Variants in OSBPL3 observed in about 807,000 individuals in gnomAD.
The protein encoded by OSBPL3 is oxysterol binding protein like 3.
OSBPL3 carries 65 observed loss-of-function variants against 120.1 expected under a neutral mutation model. The observed-to-expected ratio is 0.54, with a 90% CI of 0.44 to 0.67. The LOEUF is 0.67. Ranked by LOEUF, OSBPL3 falls within the 30% of genes least tolerant of loss-of-function variation. OSBPL3 has a pLI of 0.00. For synonymous variants in OSBPL3, 416 were observed against 402.6 expected, an observed-to-expected ratio of 1.03 and a Z score of -0.40; for missense variants, 1,004 against 1,082.1, an observed-to-expected ratio of 0.93 and a Z score of 1.01.
At chr7:24,928,987 T>C (rs1415364544) in intron 1 of OSBPL3, among the ~76,000 whole-genome samples, 1 of 152,220 alleles carries the variant, frequency 6.6e-6, no homozygotes, top group East Asian at 1.9e-4. Flanking sequence ...ATTACAGGCC[T>C]TTCTCTTGGG....
At chr7:24,924,554 T>C (rs1810805756) in intron 1 of OSBPL3, among the ~76,000 whole-genome samples, 1 of 152,214 alleles carries the variant, frequency 6.6e-6, no homozygotes, top group African/African-American at 2.4e-5. Flanking sequence ...CTTCCCGGTA[T>C]TGCTATGGTG....
intron 20 of OSBPL3, 58 bp downstream of exon 20, chr7:24,809,749 T>C: frequency 6.4e-7 from 1 of 1,553,828 alleles, no homozygotes; most frequent in South Asian, 1.1e-5. Flanking sequence ...TGGCTTCTTG[T>C]GTCATGCCCA....
rs760050205 is a variant in OSBPL3 at position 24,834,423 on chromosome 7, G to A, written c.1746+63C>T. 56 of 1,558,416 alleles carry A rather than the reference G, an allele frequency of 3.6e-5. No individual in the cohort carries two copies. Among genetic ancestry groups the A allele is most frequent in the African/African-American group, 5.5e-5 (4 of 73,222 alleles). ...AGGGGCTGTCTCTCTGATGGGCCCC[G>A]TGAATGGCCTCGTGGCTTGGGGACC... On this transcript the variant is annotated intron_variant, in intron 15 of 22. Transcript: ENST00000313367. This position sits in a 1 kb window ranked among gnomAD's most constrained non-coding sequence, Gnocchi z 5.2.
At chr7:24,927,681 G>A (rs1411886093) in intron 1 of OSBPL3, among the ~76,000 whole-genome samples, 4 of 152,052 alleles carry the variant, frequency 2.6e-5, no homozygotes, top group Non-Finnish European at 4.4e-5. Context: ...TGAGACAAGT[G>A]GTAAGGGCAT....
intron 22 of OSBPL3, among the ~76,000 whole-genome samples, chr7:24,800,748 C>T (rs888307159): frequency 1.3e-5 from 2 of 151,956 alleles, no homozygotes; most frequent in African/African-American, 4.8e-5. Flanking sequence ...TGAGCCACCA[C>T]GCTGGCCCAT....
intron 1 of OSBPL3, among the ~76,000 whole-genome samples, chr7:24,944,076 TAA>T (rs70942898): frequency 0.16 from 19,362 of 118,584 alleles, 1,596 homozygotes; most frequent in Admixed American, 0.27. Context: ...CAGTCTAAAG[TAA>T]AAAAAAAAAA....
chr7:24,866,266 A>T, intron 5 of OSBPL3, 29 bp from the exon 6 acceptor site: 1 of 1,512,950 alleles, frequency 6.6e-7, no homozygotes, highest in Non-Finnish European at 9.2e-7. Flanking sequence ...AAAAAAGGAA[A>T]CAAGAGAATC....
intron 12 of OSBPL3, among the ~76,000 whole-genome samples, chr7:24,848,810 G>A (rs1301911555): frequency 6.6e-6 from 1 of 152,038 alleles, no homozygotes; most frequent in East Asian, 1.9e-4. Context: ...ACATTTAGGA[G>A]CGAAACAGAA....
At position 24,883,061 on chromosome 7, in the gene OSBPL3, CT is replaced by C. The variant is rs566098265; in HGVS notation, c.96+9315del. Among the ~76,000 whole-genome samples the C allele has an allele frequency of 2.0e-5, 3 of 152,072 alleles. No homozygotes were observed. Among genetic ancestry groups the C allele is most frequent in the Non-Finnish European group, 4.4e-5 (3 of 68,000 alleles). On this transcript the variant is annotated intron_variant, in intron 2 of 22. Coordinates refer to ENST00000313367, the MANE Select transcript of OSBPL3 (RefSeq NM_015550.4). This position sits in a 1 kb window ranked among gnomAD's most constrained non-coding sequence, Gnocchi z 5.4. ...CTGTTTTCCTTTTGCTGTGCAGAAA[CT>C]TTTTAGTTTAATTAAGTAGGAAGTG...
rs1801165337 is a variant in OSBPL3, at chr7:24,865,409, A to G, written c.606T>C (p.Ser202=). 1 of 1,613,506 alleles carries G rather than the reference A, an allele frequency of 6.2e-7. No individual in the cohort carries two copies. The highest frequency in any genetic ancestry group is 2.2e-5 in the East Asian group (1 of 44,878). Residue 202 remains serine (S), a synonymous_variant, in exon 7 of 23, where the codon TCT becomes TCC. Coordinates refer to ENST00000313367, the MANE Select transcript of OSBPL3 (RefSeq NM_015550.4). ...ATGGAACTCGTGTCTCACCACCACA[A>G]GAAAATGATACATTGCTTCCAGTTT... is the stretch of plus-strand genomic sequence containing the variant. ...LFQTGSNVSF[S]CGGETRVPLW...
In OSBPL3 at chr7:24,808,106, G is replaced by C. The variant is rs1042531157; in HGVS notation, c.2318-1204C>G. On this transcript the variant is annotated intron_variant, in intron 20 of 22. Coordinates refer to ENST00000313367, the MANE Select transcript of OSBPL3 (RefSeq NM_015550.4). This position sits in a 1 kb window ranked among gnomAD's most constrained non-coding sequence, Gnocchi z 4.6. ...AGTAGAGATGAGATTTTGCCATGTTGTCCAGAGCAGTCTTGAACTCCTGGC... is the reference window on the plus strand; with the variant it reads ...AGTAGAGATGAGATTTTGCCATGTTCTCCAGAGCAGTCTTGAACTCCTGGC... Among the ~76,000 whole-genome samples the C allele has an allele frequency of 1.3e-5, 2 of 152,104 alleles. No homozygotes were observed. The highest frequency in any genetic ancestry group is 2.9e-5 in the Non-Finnish European group (2 of 68,020).
intron 1 of OSBPL3, among the ~76,000 whole-genome samples, chr7:24,950,109 T>C (rs1814212802): frequency 6.6e-6 from 1 of 152,232 alleles, no homozygotes; most frequent in South Asian, 2.1e-4. Context: ...CATAACAGCA[T>C]GGAGTGCCAG....
chr7:24,864,387 T>C (rs1168438416), intron 7 of OSBPL3, among the ~76,000 whole-genome samples: 1 of 152,188 alleles, frequency 6.6e-6, no homozygotes, highest in Non-Finnish European at 1.5e-5. Flanking sequence ...TTTTATTCCA[T>C]ACATCTGGGT....
At position 24,964,285 on chromosome 7, in the gene OSBPL3, G is replaced by A. The variant is rs1195456139; in HGVS notation, c.-150+15601C>T. ...AAAGAGTATAGTATGGAAAGGCGAA[G>A]AAAAAATAACCATATGGTAGAGAAG... On this transcript the variant is annotated intron_variant, in intron 1 of 22. Coordinates refer to ENST00000313367, the MANE Select transcript of OSBPL3 (RefSeq NM_015550.4). The surrounding 1 kb of genome is among the most constrained non-coding windows in gnomAD (Gnocchi z 4.2). Among the ~76,000 whole-genome samples the A allele has an allele frequency of 6.6e-6, 1 of 152,114 alleles. No individual in the cohort carries two copies. The highest frequency in any genetic ancestry group is 1.9e-4 in the East Asian group (1 of 5,190).
rs1030012894 is a variant in OSBPL3 at position 24,938,359 on chromosome 7, T to A, written c.-150+41527A>T. ...ATCGTGGACTTCACAGTCTCCAGAC[T>A]GTAAGCAACCCATTTCTATTGTTTA... On this transcript the variant is annotated intron_variant, in intron 1 of 22. Coordinates refer to ENST00000313367, the MANE Select transcript of OSBPL3 (RefSeq NM_015550.4). This position sits in a 1 kb window ranked among gnomAD's most constrained non-coding sequence, Gnocchi z 5.8. Among the ~76,000 whole-genome samples, 1 of 152,250 alleles carries A rather than the reference T, an allele frequency of 6.6e-6. No homozygotes were observed. The highest frequency in any genetic ancestry group is 2.4e-5 in the African/African-American group (1 of 41,474).
At chr7:24,973,957 CAA>C (rs1166994313) in intron 1 of OSBPL3, among the ~76,000 whole-genome samples, 1 of 152,066 alleles carries the variant, frequency 6.6e-6, no homozygotes, top group African/African-American at 2.4e-5. Context: ...CTTAAGTAGA[CAA>C]AGAGTAAAAG....
At chr7:24,869,590 G>A (rs1035550957) in intron 5 of OSBPL3, among the ~76,000 whole-genome samples, 1 of 152,172 alleles carries the variant, frequency 6.6e-6, no homozygotes, top group Non-Finnish European at 1.5e-5. Flanking sequence ...GAGAGGGCAG[G>A]GGGCAGGGAC....
At chr7:24,828,629 A>AAAAAAAAAAAAAAAAAAAAAAAT (rs1796007103) in intron 16 of OSBPL3, among the ~76,000 whole-genome samples, 1 of 148,740 alleles carries the variant, frequency 6.7e-6, no homozygotes, top group Non-Finnish European at 1.5e-5. Context: ...AAAGAAAAAA[A>AAAAAAAAAAAAAAAAAAAAAAAT]AAAAAAAGGC....
chr7:24,855,210 G>A lies in OSBPL3; in HGVS notation c.1028-2576C>T, dbSNP rs2128235396. ...CCCCTGCCTGCCACACACACAGGAT[G>A]CCCATGGCCATCTCAGTGGGTCCCC... On this transcript the variant is annotated intron_variant, in intron 10 of 22. Transcript: ENST00000313367. The surrounding 1 kb of genome is among the most constrained non-coding windows in gnomAD (Gnocchi z 4.3). Among the ~76,000 whole-genome samples, 1 of 152,156 alleles carries A rather than the reference G, an allele frequency of 6.6e-6. No individual in the cohort carries two copies. Among genetic ancestry groups the A allele is most frequent in the East Asian group, 1.9e-4 (1 of 5,158 alleles).
Sources: gnomAD v4.1 joint callset for allele counts (sites outside exome capture counted in the v4.1 genomes callset) on GRCh38, gnomAD v4.1.1 for gene constraint, Gnocchi (gnomAD v3.1) non-coding constraint, MANE v1.5 for transcripts, NCBI Gene and HGNC (gene_info 2026-07-23, HGNC 2026-07-21) for gene names.